MICU1: variants seen among roughly 807,000 people sequenced by gnomAD.
MICU1 encodes the protein calcium uptake protein 1, mitochondrial.
MICU1 carries 45 observed loss-of-function variants against 56.8 expected under a neutral mutation model. The ratio of observed to expected loss-of-function variants is 0.79; its 90% CI spans 0.62 to 1.02. The LOEUF (loss-of-function observed/expected upper bound fraction) is 1.02. MICU1 is among the 50% of genes least tolerant of loss of function. The pLI, the probability that MICU1 is intolerant of heterozygous loss-of-function variation, is 0.00. For missense variants in MICU1, 504 were observed against 587.1 expected (o/e 0.86, Z 1.46); for synonymous variants, 186 against 195.1 (o/e 0.95, Z 0.39).
At chr10:72,582,762 T>C (rs2132509929) in intron 1 of MICU1, 1 of 146,930 alleles carries the variant, frequency 6.8e-6, no homozygotes, top group South Asian at 2.2e-4. Flanking sequence ...CCAGCCTAGA[T>C]GATAGAGCAA....
chr10:72,606,259 C>T (rs1485288703), intron 1 of MICU1, among the ~76,000 whole-genome samples: 4 of 151,902 alleles, frequency 2.6e-5, no homozygotes, highest in African/African-American at 9.7e-5. Flanking sequence ...TGCCTGTAAT[C>T]CCAGCACTCT....
intron 3 of MICU1, among the ~76,000 whole-genome samples, chr10:72,554,459 C>A (rs967703293): frequency 1.3e-5 from 2 of 152,144 alleles, no homozygotes; most frequent in South Asian, 4.1e-4. Context: ...AAGAGAAACA[C>A]GCTGAATTGC....
In MICU1 at chr10:72,476,155, A is replaced by T. The variant is rs546387961; in HGVS notation, c.736-858T>A. ...GGCAGGAGAATCACTTGAACCCAGG[A>T]GGTGGAGGTTGCAGTGAGCCAAGAT... On this transcript the variant is annotated intron_variant, in intron 7 of 11. Coordinates refer to ENST00000361114, the MANE Select transcript of MICU1 (RefSeq NM_001195518.2). Among the ~76,000 whole-genome samples, 3 of 133,708 alleles carry T rather than the reference A, an allele frequency of 2.2e-5. No homozygotes were observed. In the South Asian group the frequency reaches 7.7e-4, roughly 34 times the overall value. The allele number at this position is 133,708 out of a possible 152,430, so 87.7% of individuals were successfully genotyped here.
intron 5 of MICU1, among the ~76,000 whole-genome samples, chr10:72,517,985 A>G (rs1223680130): frequency 1.3e-5 from 2 of 151,386 alleles, no homozygotes; most frequent in Non-Finnish European, 2.9e-5. Context: ...CTGCCCCAGA[A>G]GTAGTTATTT....
chr10:72,430,723 G>A (rs920970007), intron 8 of MICU1, among the ~76,000 whole-genome samples: 8 of 152,004 alleles, frequency 5.3e-5, no homozygotes, highest in African/African-American at 1.9e-4. Flanking sequence ...ACCACGCCTG[G>A]CTAATTTTTG....
intron 10 of MICU1, among the ~76,000 whole-genome samples, chr10:72,381,961 TATACAC>T (rs1564837608): frequency 1.4e-5 from 1 of 72,646 alleles, no homozygotes; most frequent in African/African-American, 4.6e-5. Context: ...TATATATATC[TATACAC>T]ACACACACAC....
At chr10:72,368,515 C>T (rs998495964) in intron 11 of MICU1, among the ~76,000 whole-genome samples, 160 bp from the exon 12 acceptor site, 1 of 152,154 alleles carries the variant, frequency 6.6e-6, no homozygotes, top group Non-Finnish European at 1.5e-5. Flanking sequence ...ATTCCTTCCT[C>T]GATATTTCCA....
chr10:72,568,801 G>A (rs1466602825), intron 1 of MICU1, among the ~76,000 whole-genome samples: 1 of 142,868 alleles, frequency 7.0e-6, no homozygotes. Flanking sequence ...CACCCAGGCT[G>A]GAGTACAGTG....
intron 1 of MICU1, among the ~76,000 whole-genome samples, chr10:72,584,067 T>C (rs1564947337): frequency 6.6e-6 from 1 of 152,096 alleles, no homozygotes; most frequent in Admixed American, 6.6e-5. Flanking sequence ...CTCACAGAAA[T>C]GTTAGATTTG....
chr10:72,423,135 G>A, intron 9 of MICU1, 99 bp downstream of exon 9: 1 of 1,462,402 alleles, frequency 6.8e-7, no homozygotes, highest in African/African-American at 1.4e-5. Flanking sequence ...GTAATCATTG[G>A]TTCATGAAAT....
intron 6 of MICU1, among the ~76,000 whole-genome samples, chr10:72,490,044 T>C (rs1266251824): frequency 2.0e-5 from 3 of 152,216 alleles, no homozygotes; most frequent in Admixed American, 6.5e-5. Flanking sequence ...TTTAAGCCCT[T>C]GACTAAATGC....
chr10:72,598,295 G>A (rs972296716), intron 1 of MICU1, among the ~76,000 whole-genome samples: 6 of 151,116 alleles, frequency 4.0e-5, no homozygotes, highest in East Asian at 1.9e-4. Context: ...TTGCCCTGTC[G>A]CCCAGGTTGG....
chr10:72,415,675 C>T (rs16929833), intron 9 of MICU1, among the ~76,000 whole-genome samples: 6,381 of 152,234 alleles, frequency 0.042, 351 homozygotes, highest in African/African-American at 0.12. Flanking sequence ...CTGGGATTTA[C>T]GGTCTTCCAC....
intron 3 of MICU1, among the ~76,000 whole-genome samples, chr10:72,558,605 T>C (rs1411869568): frequency 6.6e-6 from 1 of 152,148 alleles, no homozygotes; most frequent in Non-Finnish European, 1.5e-5. Flanking sequence ...TTCCGCAGCT[T>C]TGCCCCAGAA....
intron 1 of MICU1, among the ~76,000 whole-genome samples, chr10:72,596,870 C>T (rs1841394855): frequency 1.4e-5 from 2 of 144,708 alleles, no homozygotes; most frequent in Admixed American, 6.9e-5. Context: ...AAGACCCCGT[C>T]TCAAAAAAAA....
At position 72,526,594 on chromosome 10, in the gene MICU1, C is replaced by A. The variant is rs200150897; in HGVS notation, c.537+7152G>T. Among the ~76,000 whole-genome samples, 7 of 152,252 alleles carry A rather than the reference C, an allele frequency of 4.6e-5. No individual in the cohort carries two copies. The East Asian group carries it at 1.4e-3, about 29-fold the overall frequency. On this transcript the variant is annotated intron_variant, in intron 5 of 11. Coordinates refer to ENST00000361114, the MANE Select transcript of MICU1 (RefSeq NM_001195518.2). ...TACAGGCATGAGCCACTGCGCCCAG[C>A]CAGTAAATTAATTACATCCTAAATT...
chr10:72,586,013 C>CTTTTTTTTTTTTTTTTTTTTTTTTTT (rs71021511), intron 1 of MICU1, among the ~76,000 whole-genome samples: 5 of 74,682 alleles, frequency 6.7e-5, no homozygotes, highest in Admixed American at 2.0e-4. Flanking sequence ...TTTTTTTTTT[C>CTTTTTTTTTTTTTTTTTTTTTTTTTT]TTTTTTTTTT....
At chr10:72,472,204 G>C (rs982395585) in intron 8 of MICU1, among the ~76,000 whole-genome samples, 1 of 152,140 alleles carries the variant, frequency 6.6e-6, no homozygotes, top group African/African-American at 2.4e-5. Context: ...CAAAAAACAA[G>C]AGTACTGTGG....
intron 4 of MICU1, among the ~76,000 whole-genome samples, chr10:72,534,012 A>T (rs1839559845): frequency 6.6e-6 from 1 of 152,108 alleles, no homozygotes. Context: ...AGGCTCTAAG[A>T]AGGTAAAAAT....
Sources: allele counts gnomAD v4.1 joint callset (sites outside exome capture counted in the v4.1 genomes callset), GRCh38; gene constraint gnomAD v4.1.1; transcripts MANE v1.5; gene names NCBI Gene and HGNC (gene_info 2026-07-23, HGNC 2026-07-21).